Variants in ABCC12 observed in about 807,000 individuals in gnomAD.
ABCC12 encodes ATP-binding cassette sub-family C member 12.
A neutral mutation model predicts 151.1 loss-of-function variants in ABCC12; 142 were observed. The observed-to-expected ratio is 0.94, with a 90% confidence interval of 0.82 to 1.08. ABCC12 has a LOEUF of 1.08. Ranked by LOEUF, ABCC12 falls within the 50% of genes least tolerant of loss-of-function variation. The probability of loss-of-function intolerance (pLI) is 0.00; values close to 1 mark genes in which losing one functional copy is unlikely to be tolerated. For synonymous variants in ABCC12, 645 were observed against 646.4 expected (o/e 1.00, Z 0.03); for missense variants, 1,638 against 1,691.1 (o/e 0.97, Z 0.55).
At chr16:48,141,548 T>C (rs1266853643) in intron 4 of ABCC12, among the ~76,000 whole-genome samples, 195 bp from the exon 5 acceptor site, 3 of 152,216 alleles carry the variant, frequency 2.0e-5, no homozygotes, top group African/African-American at 7.2e-5. Context: ...AATGCCTAGA[T>C]ACAAGCTGGT....
At chr16:48,105,475 C>G in intron 20 of ABCC12, 139 bp from the exon 21 acceptor site, 2 of 874,206 alleles carry the variant, frequency 2.3e-6, no homozygotes, top group East Asian at 2.6e-5. Context: ...TGGATACAAT[C>G]TAGTCTGTTC....
At chr16:48,120,188 T>C (rs1567452278) in intron 13 of ABCC12, among the ~76,000 whole-genome samples, 1 of 152,228 alleles carries the variant, frequency 6.6e-6, no homozygotes. Context: ...GCAGCTGGAC[T>C]TCATTATCTT....
At chr16:48,139,141 A>C in intron 7 of ABCC12, 22 bp downstream of exon 7, 3 of 1,564,342 alleles carry the variant, frequency 1.9e-6, no homozygotes, top group East Asian at 2.3e-5. Flanking sequence ...AAGCAGTTAG[A>C]AGCGCAAAAG....
In ABCC12 at chr16:48,083,303, C is replaced by T. The variant is rs531892174; in HGVS notation, c.*412G>A. ...CGAGAAGAAAATTCTGCTCTTTTTC[C>T]TTCTGATAATGGGCAAGGAAACCTT... On this transcript the variant is annotated 3_prime_UTR_variant, in exon 31 of 31. Coordinates refer to ENST00000311303, the MANE Select transcript of ABCC12 (RefSeq NM_001393797.1). 1 of 174,826 alleles carries T rather than the reference C, an allele frequency of 5.7e-6. No homozygotes were observed. The highest frequency in any genetic ancestry group is 2.4e-5 in the African/African-American group (1 of 41,976). The allele number at this position is 174,826 out of a possible 1,614,324, so 10.8% of individuals were successfully genotyped here. A position where few individuals can be genotyped will look rare whatever the true frequency, so the allele number is the denominator to read the frequency against.
intron 17 of ABCC12, 24 bp from the exon 18 acceptor site, chr16:48,111,531 T>A (rs1358987397): frequency 1.2e-6 from 2 of 1,614,182 alleles, no homozygotes; most frequent in Non-Finnish European, 1.7e-6. Flanking sequence ...TAAAGAGAGA[T>A]CTGTGTCCAT....
chr16:48,109,813 G>A (rs1329401225), intron 18 of ABCC12, among the ~76,000 whole-genome samples: 4 of 152,250 alleles, frequency 2.6e-5, no homozygotes, highest in Admixed American at 6.5e-5. Flanking sequence ...GGGCAGGAGT[G>A]CCGCTGATGC....
chr16:48,155,605 C>T (rs1965174694), intron 1 of ABCC12, among the ~76,000 whole-genome samples: 1 of 152,158 alleles, frequency 6.6e-6, no homozygotes, highest in African/African-American at 2.4e-5. Flanking sequence ...TCTGCCTTTT[C>T]TTTTATGATA....
chr16:48,110,214 A>T (rs1963637295), intron 18 of ABCC12, among the ~76,000 whole-genome samples: 1 of 152,112 alleles, frequency 6.6e-6, no homozygotes. Context: ...GCCAGATCTC[A>T]TCGATTCGAA....
chr16:48,128,353 A>C, intron 11 of ABCC12, 106 bp downstream of exon 11: 1 of 1,493,814 alleles, frequency 6.7e-7, no homozygotes, highest in Non-Finnish European at 9.0e-7. Flanking sequence ...GAGACATCCC[A>C]TCACCACCTT....
chr16:48,123,140 C>A (rs1964127123), intron 12 of ABCC12, among the ~76,000 whole-genome samples: 3 of 152,160 alleles, frequency 2.0e-5, no homozygotes, highest in African/African-American at 7.2e-5. Flanking sequence ...AATTTCACTC[C>A]AATATACATC....
In ABCC12 at chr16:48,138,236, G is replaced by A. The variant is rs1338190181; in HGVS notation, c.971C>T (p.Thr324Ile). 1 of 1,609,044 alleles carries A rather than the reference G, an allele frequency of 6.2e-7. No individual in the cohort carries two copies. The highest frequency in any genetic ancestry group is 2.2e-5 in the East Asian group (1 of 44,736). Residue 324 changes from threonine to isoleucine, a missense_variant, in exon 8 of 31, where the codon ACT (threonine) becomes ATT (isoleucine). Transcript: ENST00000311303. ...MYAWEKSFTN[T>I]IQDIRRRERK... ...AGCTACTCTTGTCCTACCTTGGATA[G>A]TGTTGGTAAAAGATTTCTCCCAGGC...
Position 48,128,729 on chromosome 16 carries a change from G to C in ABCC12, c.1245C>G (p.Leu415=), listed in dbSNP as rs1479500261. 6.2e-7 allele frequency: 1 copy of C among 1,612,056 alleles called. No homozygotes were observed. The highest frequency in any genetic ancestry group is 1.7e-5 in the Admixed American group (1 of 59,728). The change falls in exon 11 of 31, where the codon CTC becomes CTG. Residue 415 remains leucine, a synonymous_variant. Coordinates refer to ENST00000311303, the MANE Select transcript of ABCC12 (RefSeq NM_001393797.1). ...NVSLRRMKKI[L]IDKSPPSYIT... ...TGTAAGATGGGGGGCTTTTATCTAT[G>C]AGAATTTTCTAAGATTAAAGAGACA... is the stretch of plus-strand genomic sequence containing the variant.
At position 48,085,722 on chromosome 16, in the gene ABCC12, A is replaced by G; in HGVS notation, c.3715-16T>C. ...GTTTCATTATCTACAAAACACAAAAAATGCCACATTTGTGCTGATGATCTA... is the reference window on the plus strand; with the variant it reads ...GTTTCATTATCTACAAAACACAAAAGATGCCACATTTGTGCTGATGATCTA... On this transcript the variant is annotated splice_polypyrimidine_tract_variant and intron_variant, in intron 28 of 30. Coordinates refer to ENST00000311303, the MANE Select transcript of ABCC12 (RefSeq NM_001393797.1). The G allele has an allele frequency of 1.3e-6, 2 of 1,592,640 alleles. No individual in the cohort carries two copies. The highest frequency in any genetic ancestry group is 3.3e-5 in the Admixed American group (2 of 59,978).
intron 10 of ABCC12, 59 bp from the exon 11 acceptor site, chr16:48,128,796 C>A: frequency 6.4e-7 from 1 of 1,559,780 alleles, no homozygotes; most frequent in Non-Finnish European, 8.7e-7. Flanking sequence ...AGAATCATCC[C>A]AATGTATCTT....
At chr16:48,133,921 C>A in intron 8 of ABCC12, 86 bp from the exon 9 acceptor site, 2 of 1,506,502 alleles carry the variant, frequency 1.3e-6, no homozygotes, top group South Asian at 1.2e-5. Flanking sequence ...ACTTGGTCCT[C>A]TTCCAGATGG....
chr16:48,090,818 C>T (rs1281364513), intron 25 of ABCC12, among the ~76,000 whole-genome samples: 1 of 152,176 alleles, frequency 6.6e-6, no homozygotes, highest in Non-Finnish European at 1.5e-5. Flanking sequence ...ACCTCCGCCT[C>T]CTGGGCTCTA....
chr16:48,146,719 C>T (rs1445731780), intron 2 of ABCC12: 1 of 293,098 alleles, frequency 3.4e-6, no homozygotes, highest in Non-Finnish European at 6.4e-6. Flanking sequence ...TGGCCAAGAG[C>T]AGAAAACCCT....
intron 18 of ABCC12, 41 bp downstream of exon 18, chr16:48,111,395 A>T: frequency 6.3e-7 from 1 of 1,598,414 alleles, no homozygotes; most frequent in Non-Finnish European, 8.6e-7. Context: ...TGCCCAATAC[A>T]TCCTTAAGTG....
At chr16:48,120,558 GTT>G (rs61563975) in intron 13 of ABCC12, among the ~76,000 whole-genome samples, 5 of 137,924 alleles carry the variant, frequency 3.6e-5, no homozygotes, top group African/African-American at 7.9e-5. Flanking sequence ...TGAGTTTTTT[GTT>G]TTTTTTTTTT....
Sources: allele counts gnomAD v4.1 joint callset (sites outside exome capture counted in the v4.1 genomes callset), GRCh38; gene constraint gnomAD v4.1.1; transcripts MANE v1.5; gene names NCBI Gene and HGNC (gene_info 2026-07-23, HGNC 2026-07-21).